CAPN2: variants seen among roughly 807,000 people sequenced by gnomAD.
CAPN2 encodes calpain 2, also known as calpain-2 catalytic subunit.
A neutral mutation model predicts 102.3 loss-of-function variants in CAPN2; 92 were observed. The observed-to-expected ratio is 0.90, with a 90% CI of 0.76 to 1.07. The LOEUF (loss-of-function observed/expected upper bound fraction) is 1.07, where lower values mean the gene tolerates loss of function less well. Ranked by LOEUF, CAPN2 falls within the 50% of genes least tolerant of loss-of-function variation. CAPN2 has a pLI of 0.00. For synonymous variants in CAPN2, 340 were observed against 355.4 expected (o/e 0.96, Z 0.49); for missense variants, 800 against 909.4 (o/e 0.88, Z 1.55).
At chr1:223,708,059 C>T (rs368752343), upstream of CAPN2, among the ~76,000 whole-genome samples, 7 of 152,312 alleles carry the variant, frequency 4.6e-5, no homozygotes, top group African/African-American at 1.4e-4. Context: ...ACAGGGCTGT[C>T]GCTTTCCTCT....
intron 1 of CAPN2, among the ~76,000 whole-genome samples, chr1:223,706,808 G>A (rs1264018480): frequency 6.6e-6 from 1 of 152,170 alleles, no homozygotes; most frequent in Non-Finnish European, 1.5e-5. Context: ...GGCTAGGCAC[G>A]GTGGCTCACA....
chr1:223,757,396 G>A lies in CAPN2; in HGVS notation c.1317+16G>A. On this transcript the variant is annotated intron_variant, in intron 11 of 20. Coordinates refer to ENST00000295006, the MANE Select transcript of CAPN2 (RefSeq NM_001748.5). The stretch of plus-strand genomic sequence containing the variant: ...TCCAGAGGAGGTACGTCTGGCCCAT[G>A]TCCCGGGGTGCTCAGGTCACCAAAA... 6.2e-7 allele frequency: 1 copy of A among 1,614,120 alleles called. No individual in the cohort carries two copies. Among genetic ancestry groups the A allele is most frequent in the Non-Finnish European group, 8.5e-7 (1 of 1,180,006 alleles).
At chr1:223,709,661 C>CAAAAAAAAAAAAAAAAAAAAAAAAAAAA (rs779362608), upstream of CAPN2, among the ~76,000 whole-genome samples, 1 of 137,822 alleles carries the variant, frequency 7.3e-6, no homozygotes, top group African/African-American at 2.7e-5. Flanking sequence ...AACTCCATCT[C>CAAAAAAAAAAAAAAAAAAAAAAAAAAAA]AAAAAAAAAA....
chr1:223,748,059 C>T (rs558884173), intron 5 of CAPN2, among the ~76,000 whole-genome samples: 11 of 152,264 alleles, frequency 7.2e-5, no homozygotes, highest in African/African-American at 2.4e-4. Context: ...GCCCCTGCCA[C>T]CTGCTGCCCC....
chr1:223,753,476 G>A (rs1043870793), intron 9 of CAPN2, among the ~76,000 whole-genome samples: 1 of 152,248 alleles, frequency 6.6e-6, no homozygotes, highest in Non-Finnish European at 1.5e-5. Flanking sequence ...TTCTCCTCTG[G>A]TCCAGCCTTT....
chr1:223,718,461 T>C (rs1313452560), intron 2 of CAPN2, among the ~76,000 whole-genome samples: 1 of 152,242 alleles, frequency 6.6e-6, no homozygotes, highest in African/African-American at 2.4e-5. Context: ...GAGATAGTCC[T>C]TGTTGAAGGT....
At chr1:223,728,812 C>T (rs1277538998) in intron 2 of CAPN2, among the ~76,000 whole-genome samples, 9 of 152,176 alleles carry the variant, frequency 5.9e-5, no homozygotes, top group Admixed American at 5.9e-4. Flanking sequence ...CAGGACTCCA[C>T]TCACCCCCAA....
chr1:223,774,882 C>T lies in CAPN2; in HGVS notation c.*25C>T. ...AAGTTATAACTAATCTGCCTGAAGA[C>T]TTCTCATGATGGAAAATCAGCCAAG... On this transcript the variant is annotated 3_prime_UTR_variant, in exon 21 of 21. Coordinates refer to ENST00000295006, the MANE Select transcript of CAPN2 (RefSeq NM_001748.5). 2 of 1,605,362 alleles carry T rather than the reference C, an allele frequency of 1.2e-6. No homozygotes were observed. Among genetic ancestry groups the T allele is most frequent in the Non-Finnish European group, 1.7e-6 (2 of 1,172,986 alleles).
chr1:223,748,672 G>A (rs1031998378), intron 5 of CAPN2, among the ~76,000 whole-genome samples: 5 of 148,776 alleles, frequency 3.4e-5, no homozygotes, highest in African/African-American at 7.8e-5. Flanking sequence ...GCCCTCTCTC[G>A]GCCGTGCGCC....
At position 223,759,595 on chromosome 1, in the gene CAPN2, A is replaced by C; in HGVS notation, c.1529+114A>C. On this transcript the variant is annotated intron_variant, in intron 12 of 20. Transcript: ENST00000295006. The surrounding 1 kb of genome is among the most constrained non-coding windows in gnomAD (Gnocchi z 4.6). The stretch of plus-strand genomic sequence containing the variant: ...CTGAATGTCAGTTACTTTTTCTGTA[A>C]CACCTGCCCACCTCGAAGGACTAGT... 1.3e-6 allele frequency: 1 copy of C among 755,134 alleles called. No individual in the cohort carries two copies. Among genetic ancestry groups the C allele is most frequent in the Non-Finnish European group, 2.2e-6 (1 of 462,832 alleles). The allele number at this position is 755,134 out of a possible 1,614,324, so 46.8% of individuals were successfully genotyped here. A position where few individuals can be genotyped will look rare whatever the true frequency, so the allele number is the denominator to read the frequency against.
chr1:223,739,881 C>T (rs138520158), intron 2 of CAPN2, among the ~76,000 whole-genome samples: 10 of 152,306 alleles, frequency 6.6e-5, no homozygotes, highest in Non-Finnish European at 1.0e-4. Flanking sequence ...TTAAACTCTT[C>T]GTCTCACCCT....
Position 223,725,741 on chromosome 1 carries a change from CA to C in CAPN2, c.307+7911del, listed in dbSNP as rs1660174517. On this transcript the variant is annotated intron_variant, in intron 2 of 20. Coordinates refer to ENST00000295006, the MANE Select transcript of CAPN2 (RefSeq NM_001748.5). The surrounding 1 kb of genome is among the most constrained non-coding windows in gnomAD (Gnocchi z 4.1). ...TAATTTTCTTTGGTCACACAATGGTCATGGCCTCCTGATGTTTCCCACAAAG... is the reference window on the plus strand; with the variant it reads ...TAATTTTCTTTGGTCACACAATGGTCTGGCCTCCTGATGTTTCCCACAAAG... 6.6e-6 allele frequency among the ~76,000 whole-genome samples: 1 copy of C among 152,172 alleles called. No homozygotes were observed. The highest frequency in any genetic ancestry group is 2.4e-5 in the African/African-American group (1 of 41,432).
At chr1:223,761,534 T>C (rs373576419) in intron 12 of CAPN2, 47 bp from the exon 13 acceptor site, 132 of 1,551,118 alleles carry the variant, frequency 8.5e-5, no homozygotes, top group Non-Finnish European at 1.2e-4. Flanking sequence ...CCTTCCTTTT[T>C]GCCCTCGCCT....
At chr1:223,763,552 G>A (rs10465524) in intron 14 of CAPN2, among the ~76,000 whole-genome samples, 20,078 of 152,266 alleles carry the variant, frequency 0.13, 1,600 homozygotes, top group African/African-American at 0.22. Flanking sequence ...CTGGCATGAT[G>A]GGCATAGAGG....
At chr1:223,740,465 G>A (rs993269301) in intron 2 of CAPN2, among the ~76,000 whole-genome samples, 2 of 152,158 alleles carry the variant, frequency 1.3e-5, no homozygotes, top group African/African-American at 4.8e-5. Context: ...CTCCCATTCT[G>A]TATTTGTCCC....
intron 2 of CAPN2, 125 bp downstream of exon 2, chr1:223,717,956 G>A: frequency 1.4e-6 from 1 of 731,652 alleles, no homozygotes; most frequent in Non-Finnish European, 2.4e-6. Flanking sequence ...TTGCAGAGAA[G>A]CTCCATGGAA....
At chr1:223,771,735 T>C (rs1661475580) in intron 18 of CAPN2, 74 bp from the exon 19 acceptor site, 1 of 931,040 alleles carries the variant, frequency 1.1e-6, no homozygotes, top group African/African-American at 1.6e-5. Context: ...CACATTAGTT[T>C]CATAGCCTGT....
intron 15 of CAPN2, among the ~76,000 whole-genome samples, chr1:223,766,051 C>CCAA (rs1485577259): frequency 6.6e-6 from 1 of 152,208 alleles, no homozygotes; most frequent in African/African-American, 2.4e-5. Context: ...TTTTCCCTGC[C>CCAA]CAACAACTAC....
chr1:223,762,253 TA>T lies in CAPN2; in HGVS notation c.1632+5del, dbSNP rs568483952. ...CTGTTTGCCCAGTTGGCAGGAGAGG[TA>T]AATGTTCCCAAAAACGATGTTATGC... On this transcript the variant is annotated splice_donor_region_variant and intron_variant, in intron 14 of 20. Coordinates refer to ENST00000295006, the MANE Select transcript of CAPN2 (RefSeq NM_001748.5). 2.2e-4 allele frequency: 359 copies of T among 1,611,462 alleles called. 5 individuals are homozygous for T. The South Asian group carries it at 3.6e-3, about 16-fold the overall frequency.
Sources: allele counts gnomAD v4.1 joint callset (sites outside exome capture counted in the v4.1 genomes callset), GRCh38; gene constraint gnomAD v4.1.1; non-coding constraint Gnocchi (gnomAD v3.1); transcripts MANE v1.5; gene names NCBI Gene and HGNC (gene_info 2026-07-23, HGNC 2026-07-21).